Variants in ST6GALNAC3 observed in about 807,000 individuals in gnomAD.
ST6GALNAC3 encodes alpha-N-acetylgalactosaminide alpha-2,6-sialyltransferase 3.
In ST6GALNAC3, 25 loss-of-function variants were observed where a neutral mutation model predicts 32.7. That is an observed-to-expected ratio of 0.76 (90% CI 0.56 to 1.07). The LOEUF (loss-of-function observed/expected upper bound fraction) is 1.07. Ranked by LOEUF, ST6GALNAC3 falls within the 50% of genes least tolerant of loss-of-function variation. The pLI is 0.00. For synonymous variants in ST6GALNAC3, 129 were observed against 133.1 expected, an observed-to-expected ratio of 0.97 and a Z score of 0.21; for missense variants, 355 against 382.4, an observed-to-expected ratio of 0.93 and a Z score of 0.60.
At chr1:76,375,312 A>T (rs764016154) in intron 2 of ST6GALNAC3, among the ~76,000 whole-genome samples, 1 of 152,216 alleles carries the variant, frequency 6.6e-6, no homozygotes, top group Non-Finnish European at 1.5e-5. Context: ...AGGACAAATT[A>T]TAAAAGAGAT....
chr1:76,347,637 A>C lies in ST6GALNAC3; in HGVS notation c.213+33638A>C, dbSNP rs77252742. ...AGTTTCTGTGCTGCTACTCCTGATGATATTGACTCCTTATAAGTTTTACTG... is the reference window on the plus strand; with the variant it reads ...AGTTTCTGTGCTGCTACTCCTGATGCTATTGACTCCTTATAAGTTTTACTG... On this transcript the variant is annotated intron_variant, in intron 2 of 4. Coordinates refer to ENST00000328299, the MANE Select transcript of ST6GALNAC3 (RefSeq NM_152996.4). 4.8e-3 allele frequency among the ~76,000 whole-genome samples: 732 copies of C among 152,258 alleles called. 4 individuals carry two copies. The highest frequency in any genetic ancestry group is 0.017 in the African/African-American group (693 of 41,552).
intron 3 of ST6GALNAC3, among the ~76,000 whole-genome samples, chr1:76,627,008 G>C (rs544237016): frequency 6.7e-4 from 102 of 152,034 alleles, no homozygotes; most frequent in Admixed American, 1.2e-3. Context: ...AACCCAAGCA[G>C]CCTTCAAGAA....
At chr1:76,595,469 C>T (rs1647120747) in intron 3 of ST6GALNAC3, among the ~76,000 whole-genome samples, 1 of 152,102 alleles carries the variant, frequency 6.6e-6, no homozygotes, top group African/African-American at 2.4e-5. Flanking sequence ...TAATTTCTCC[C>T]ACCACTCTGA....
intron 1 of ST6GALNAC3, among the ~76,000 whole-genome samples, chr1:76,258,715 A>G (rs756313274): frequency 8.5e-5 from 13 of 152,168 alleles, no homozygotes; most frequent in Non-Finnish European, 1.8e-4. Context: ...ATGTGACTGC[A>G]GCCCTCAAGG....
At position 76,442,802 on chromosome 1, in the gene ST6GALNAC3, T is replaced by C. The variant is rs111834523; in HGVS notation, c.623+30385T>C. On this transcript the variant is annotated intron_variant, in intron 3 of 4. Transcript: ENST00000328299. ...CAGAATGTTACTGCCAATCATAATA[T>C]GTATTTTGTAATGGAATTTAAGATT... is the stretch of plus-strand genomic sequence containing the variant. Among the ~76,000 whole-genome samples the C allele has an allele frequency of 8.5e-3, 1,300 of 152,284 alleles. 4 individuals are homozygous for C. The highest frequency in any genetic ancestry group is 0.014 in the Non-Finnish European group (939 of 68,042).
intron 1 of ST6GALNAC3, among the ~76,000 whole-genome samples, chr1:76,277,156 G>A (rs990731632): frequency 6.6e-6 from 1 of 151,892 alleles, no homozygotes; most frequent in African/African-American, 2.4e-5. Context: ...AAAATAAGGT[G>A]GTCAAATTAT....
intron 1 of ST6GALNAC3, among the ~76,000 whole-genome samples, chr1:76,177,262 C>T (rs1206796279): frequency 6.6e-6 from 1 of 151,958 alleles, no homozygotes; most frequent in African/African-American, 2.4e-5. Context: ...ATTTGAGGGA[C>T]ATTATTCTGG....
At chr1:76,474,573 C>T (rs115465965) in intron 3 of ST6GALNAC3, among the ~76,000 whole-genome samples, 2,118 of 152,242 alleles carry the variant, frequency 0.014, 46 homozygotes, top group African/African-American at 0.047. Flanking sequence ...GTAAAACACT[C>T]CTAAGCAGCT....
intron 2 of ST6GALNAC3, among the ~76,000 whole-genome samples, chr1:76,332,757 C>T (rs1164643810): frequency 1.3e-5 from 2 of 152,182 alleles, no homozygotes. Context: ...AGTACTCATG[C>T]TTTGCCCATT....
At chr1:76,395,588 C>T (rs1254316459) in intron 2 of ST6GALNAC3, among the ~76,000 whole-genome samples, 1 of 151,902 alleles carries the variant, frequency 6.6e-6, no homozygotes, top group South Asian at 2.1e-4. Context: ...CACACACACA[C>T]AGACACACAC....
At chr1:76,537,586 A>G (rs541579278) in intron 3 of ST6GALNAC3, among the ~76,000 whole-genome samples, 2 of 152,278 alleles carry the variant, frequency 1.3e-5, no homozygotes, top group Admixed American at 1.3e-4. Context: ...TAAAGAGGAA[A>G]AGAGAGAAGA....
At chr1:76,112,860 A>T (rs1571180245) in intron 1 of ST6GALNAC3, among the ~76,000 whole-genome samples, 1 of 142,960 alleles carries the variant, frequency 7.0e-6, no homozygotes, top group Non-Finnish European at 1.5e-5. Flanking sequence ...CAGACTGGGC[A>T]GCCAGGCAGA....
At chr1:76,475,449 T>C (rs1659289862) in intron 3 of ST6GALNAC3, among the ~76,000 whole-genome samples, 1 of 152,180 alleles carries the variant, frequency 6.6e-6, no homozygotes, top group Non-Finnish European at 1.5e-5. Flanking sequence ...CACAAGTTAC[T>C]AAGTGGTAAC....
chr1:76,181,170 A>C (rs1270727128), intron 1 of ST6GALNAC3, among the ~76,000 whole-genome samples: 4 of 152,204 alleles, frequency 2.6e-5, no homozygotes, highest in Non-Finnish European at 5.9e-5. Context: ...TGAACAGACA[A>C]GCCAAACCCC....
At chr1:76,082,871 T>A (rs1460955196) in intron 1 of ST6GALNAC3, among the ~76,000 whole-genome samples, 3 of 148,738 alleles carry the variant, frequency 2.0e-5, no homozygotes, top group Non-Finnish European at 3.0e-5. Flanking sequence ...CGTTTTCGTG[T>A]TTTTTGTTTT....
chr1:76,412,139 T>G lies in ST6GALNAC3; in HGVS notation c.345T>G (p.Tyr115Ter). ...WRMNNAPTKG[Y>*]EEDVGRMTMI... ...TGAACAATGCCCCCACCAAAGGTTA[T>G]GAAGAAGATGTCGGCCGCATGACCA... The change falls in exon 3 of 5, where the codon TAT becomes TAG. Residue 115 changes from tyrosine (Y) to a stop codon, truncating the protein, a stop_gained. Transcript: ENST00000328299. LOFTEE classifies it high-confidence loss of function. 1 of 1,613,760 alleles carries G rather than the reference T, an allele frequency of 6.2e-7. No homozygotes were observed.
At chr1:76,269,514 A>G (rs899559359) in intron 1 of ST6GALNAC3, among the ~76,000 whole-genome samples, 4 of 152,248 alleles carry the variant, frequency 2.6e-5, no homozygotes. Flanking sequence ...ATTTAAACAT[A>G]GACAGCTAAA....
intron 3 of ST6GALNAC3, among the ~76,000 whole-genome samples, chr1:76,489,697 G>A (rs549037139): frequency 2.0e-5 from 3 of 152,170 alleles, no homozygotes; most frequent in African/African-American, 4.8e-5. Flanking sequence ...GAGGGGTCAC[G>A]GGACTTAGGT....
intron 3 of ST6GALNAC3, among the ~76,000 whole-genome samples, chr1:76,547,591 A>G (rs373588226): frequency 6.6e-6 from 1 of 152,174 alleles, no homozygotes; most frequent in Non-Finnish European, 1.5e-5. Context: ...GGTGGACTTC[A>G]CTTTTAAATG....
Sources: allele counts gnomAD v4.1 joint callset (sites outside exome capture counted in the v4.1 genomes callset), GRCh38; gene constraint gnomAD v4.1.1; transcripts MANE v1.5; gene names NCBI Gene and HGNC (gene_info 2026-07-23, HGNC 2026-07-21).